Variants in DNAH6 observed in about 807,000 individuals in gnomAD.
The protein encoded by DNAH6 is axonemal beta dynein heavy chain 6.
A neutral mutation model predicts 491.4 loss-of-function variants in DNAH6; 340 were observed. The ratio of observed to expected loss-of-function variants is 0.69; its 90% confidence interval spans 0.63 to 0.76. DNAH6 has a LOEUF of 0.76. Among genes scored for constraint, DNAH6 ranks in the 30% least tolerant of loss-of-function variants. DNAH6 has a pLI of 0.00. For synonymous variants in DNAH6, 1,603 were observed against 1,686.1 expected (o/e 0.95, Z 1.21); for missense variants, 4,443 against 4,972.2 (o/e 0.89, Z 3.20).
chr2:84,650,039 A>T (rs1401785838), intron 33 of DNAH6, among the ~76,000 whole-genome samples: 3 of 148,714 alleles, frequency 2.0e-5, no homozygotes, highest in African/African-American at 7.4e-5. Context: ...ATAAGGTGTC[A>T]TTTTTTTTTT....
chr2:84,460,932 A>C, the DNAH6 span, among the ~76,000 whole-genome samples: 1 of 152,200 alleles, frequency 6.6e-6, no homozygotes, highest in African/African-American at 2.4e-5. Context: ...AAGCATGACA[A>C]ATTAATGAAG....
chr2:84,558,390 C>T (rs1195289678), intron 11 of DNAH6, among the ~76,000 whole-genome samples: 1 of 150,268 alleles, frequency 6.7e-6, no homozygotes, highest in Admixed American at 6.6e-5. Context: ...CGCCACTGCA[C>T]TCCAGCCTAG....
intron 23 of DNAH6, among the ~76,000 whole-genome samples, chr2:84,617,237 G>A (rs1686942655): frequency 6.6e-6 from 1 of 151,966 alleles, no homozygotes. Context: ...TCAGTATATT[G>A]TAGGTGTGTT....
chr2:84,644,755 T>C, intron 33 of DNAH6, among the ~76,000 whole-genome samples: 1 of 152,232 alleles, frequency 6.6e-6, no homozygotes, highest in South Asian at 2.1e-4. Flanking sequence ...TCCACGTTCC[T>C]GCAAAGGATA....
chr2:84,785,846 A>G (rs1190041704), intron 67 of DNAH6, 90 bp downstream of exon 67: 3 of 1,290,636 alleles, frequency 2.3e-6, no homozygotes, highest in Non-Finnish European at 2.0e-6. Flanking sequence ...TATAAATGTC[A>G]TTGTGAAATG....
intron 2 of DNAH6, among the ~76,000 whole-genome samples, chr2:84,523,720 C>A (rs544046359): frequency 9.2e-5 from 14 of 152,198 alleles, no homozygotes; most frequent in African/African-American, 2.9e-4. Flanking sequence ...ACCCAAAATT[C>A]TTTCAGGAGC....
intron 37 of DNAH6, among the ~76,000 whole-genome samples, chr2:84,668,151 A>C (rs1304975025): frequency 6.6e-6 from 1 of 152,200 alleles, no homozygotes; most frequent in Non-Finnish European, 1.5e-5. Context: ...GTGATGAGTT[A>C]ACAGGTGCAG....
the DNAH6 span, among the ~76,000 whole-genome samples, chr2:84,491,538 G>C: frequency 6.6e-6 from 1 of 152,102 alleles, no homozygotes; most frequent in South Asian, 2.1e-4. Context: ...TCAAACATAG[G>C]GGCTTCTGGG....
At chr2:84,584,425 C>T (rs1485079177) in intron 15 of DNAH6, 175 bp downstream of exon 15, 14 of 641,488 alleles carry the variant, frequency 2.2e-5, no homozygotes, top group Non-Finnish European at 3.1e-5. Flanking sequence ...GTGTCCATCA[C>T]GTCACATACA....
chr2:84,722,602 C>G, intron 59 of DNAH6, 23 bp from the exon 60 acceptor site: 1 of 1,526,632 alleles, frequency 6.6e-7, no homozygotes, highest in Non-Finnish European at 8.8e-7. Context: ...TCCCTAAGAA[C>G]TTGTTATTGT....
In DNAH6 at chr2:84,634,784, C is replaced by T. The variant is rs1688721668; in HGVS notation, c.4653+143C>T. 4.2e-6 allele frequency: 4 copies of T among 946,508 alleles called. 1 individual carries two copies. The highest frequency in any genetic ancestry group is 2.4e-5 in the South Asian group (1 of 40,950). The allele number at this position is 946,508 out of a possible 1,614,324, so 58.6% of individuals were successfully genotyped here. A position where few individuals can be genotyped will look rare whatever the true frequency, so the allele number is the denominator to read the frequency against. On this transcript the variant is annotated intron_variant, in intron 30 of 76. Transcript: ENST00000389394. Reference sequence around the variant, plus strand: ...CCAAGGGGACCTTGGCTCTCCAGAGCTCACTGGACTAGAAAATCCAAGGAA... The same window carrying T: ...CCAAGGGGACCTTGGCTCTCCAGAGTTCACTGGACTAGAAAATCCAAGGAA...
intron 33 of DNAH6, among the ~76,000 whole-genome samples, chr2:84,650,098 T>C (rs745376819): frequency 5.3e-5 from 8 of 152,148 alleles, no homozygotes; most frequent in Non-Finnish European, 8.8e-5. Context: ...TTTTTAGAAG[T>C]TGGACTATGT....
chr2:84,470,387 C>T, the DNAH6 span, among the ~76,000 whole-genome samples: 14 of 152,188 alleles, frequency 9.2e-5, no homozygotes, highest in Non-Finnish European at 1.8e-4. Context: ...GGCTACTCCA[C>T]AGACAGAGCA....
intron 12 of DNAH6, among the ~76,000 whole-genome samples, chr2:84,574,185 CTTT>C (rs1682191867): frequency 6.6e-6 from 1 of 151,892 alleles, no homozygotes; most frequent in African/African-American, 2.4e-5. Flanking sequence ...CTTTCATATT[CTTT>C]TTTATTTCAT....
intron 10 of DNAH6, among the ~76,000 whole-genome samples, chr2:84,556,736 C>A (rs567499320): frequency 6.6e-6 from 1 of 152,234 alleles, no homozygotes; most frequent in Admixed American, 6.5e-5. Context: ...ACCTAACTTA[C>A]CATGAGGTTA....
At chr2:84,495,404 C>G in the DNAH6 span, among the ~76,000 whole-genome samples, 1 of 152,174 alleles carries the variant, frequency 6.6e-6, no homozygotes, top group African/African-American at 2.4e-5. Flanking sequence ...CTCAGGTGAT[C>G]CATCCACTTT....
At chr2:84,775,852 T>C (rs916833393) in intron 64 of DNAH6, among the ~76,000 whole-genome samples, 7 of 152,182 alleles carry the variant, frequency 4.6e-5, no homozygotes, top group African/African-American at 1.7e-4. Context: ...TAGCATTGGT[T>C]GTGATATCAC....
At chr2:84,756,188 A>C (rs1204925730) in intron 63 of DNAH6, among the ~76,000 whole-genome samples, 3 of 152,194 alleles carry the variant, frequency 2.0e-5, no homozygotes, top group African/African-American at 4.8e-5. Flanking sequence ...TAGTATGTGG[A>C]GTGTTTCTCT....
chr2:84,646,940 C>T (rs777810199), intron 33 of DNAH6, among the ~76,000 whole-genome samples: 2 of 152,132 alleles, frequency 1.3e-5, no homozygotes, highest in Admixed American at 6.5e-5. Context: ...CTCTGCCTCC[C>T]GGGTTCAAGC....
Sources: allele counts gnomAD v4.1 joint callset (sites outside exome capture counted in the v4.1 genomes callset), GRCh38; gene constraint gnomAD v4.1.1; transcripts MANE v1.5; gene names NCBI Gene and HGNC (gene_info 2026-07-23, HGNC 2026-07-21).